The following CYP2B6 variants were observed in gnomAD, a reference collection of about 807,000 sequenced individuals.
The protein encoded by CYP2B6 is cytochrome P450 family 2 subfamily B member 6.
CYP2B6 carries 35 observed loss-of-function variants against 43.4 expected under a neutral mutation model. The ratio of observed to expected loss-of-function variants is 0.81; its 90% CI spans 0.62 to 1.07. CYP2B6 has a LOEUF of 1.07. Ranked by LOEUF, CYP2B6 falls within the 50% of genes least tolerant of loss-of-function variation. The pLI, the probability that CYP2B6 is intolerant of heterozygous loss-of-function variation, is 0.00. For synonymous variants in CYP2B6, 239 were observed against 239.2 expected, an observed-to-expected ratio of 1.00 and a Z score of 0.01; for missense variants, 624 against 632.8, an observed-to-expected ratio of 0.99 and a Z score of 0.15.
intron 1 of CYP2B6, among the ~76,000 whole-genome samples, chr19:40,997,832 G>A (rs1400983740): frequency 6.6e-6 from 1 of 152,022 alleles, no homozygotes; most frequent in Non-Finnish European, 1.5e-5. Context: ...AGAGGTGGTG[G>A]CTTATACCTG....
chr19:40,995,876 G>C (rs1968992908), intron 1 of CYP2B6, among the ~76,000 whole-genome samples: 1 of 152,094 alleles, frequency 6.6e-6, no homozygotes, highest in South Asian at 2.1e-4. Flanking sequence ...ATTAAATTAA[G>C]GTGATCACCG....
At position 41,013,506 on chromosome 19, in the gene CYP2B6, A is replaced by G. The variant is rs910613341; in HGVS notation, c.1294+691A>G. 1.5e-4 allele frequency among the ~76,000 whole-genome samples: 23 copies of G among 152,342 alleles called. No individual in the cohort carries two copies. In the East Asian group the frequency reaches 3.3e-3, roughly 22 times the overall value. On this transcript the variant is annotated intron_variant, in intron 8 of 8. Transcript: ENST00000324071. ...GTTCCAGGCAAAGGAAACAGCAAGG[A>G]CAAAGGCCAAAGGTAGAAACGTGAT...
In CYP2B6 at chr19:41,012,983, AAAG is replaced by A. The variant is rs1482161446; in HGVS notation, c.1294+173_1294+175del. 172 of 816,246 alleles carry A rather than the reference AAAG, an allele frequency of 2.1e-4. 2 individuals carry two copies. In the South Asian group the frequency reaches 2.5e-3, roughly 12 times the overall value. 50.6% of individuals were successfully genotyped at this position (816,246 alleles called of 1,614,324 possible). ...CTACAACCCTATAAGGAGGCTTGAGAAAGAAGATTACATTCCCAAAGGCACATC... is the reference window on the plus strand; with the variant it reads ...CTACAACCCTATAAGGAGGCTTGAGAAAGATTACATTCCCAAAGGCACATC... On this transcript the variant is annotated intron_variant, in intron 8 of 8. Transcript: ENST00000324071.
At position 41,006,923 on chromosome 19, in the gene CYP2B6, C is replaced by A; in HGVS notation, c.503C>A (p.Thr168Asn). 5 of 1,613,836 alleles carry A rather than the reference C, an allele frequency of 3.1e-6. 1 individual carries two copies. Among genetic ancestry groups the A allele is most frequent in the Non-Finnish European group, 4.2e-6 (5 of 1,180,026 alleles). The change falls in exon 4 of 9, where the codon ACC (threonine) becomes AAC (asparagine). Residue 168 changes from threonine to asparagine, a missense_variant. Thr to Asn is a moderately conservative substitution (Grantham distance 65). Transcript: ENST00000324071. ...RKSKGALMDP[T>N]FLFQSITANI... ...TTCCTAGGGGCCCTCATGGACCCCA[C>A]CTTCCTCTTCCAGTCCATTACCGCC...
intron 1 of CYP2B6, among the ~76,000 whole-genome samples, chr19:40,997,104 G>A (rs995001398): frequency 6.6e-5 from 10 of 151,786 alleles, no homozygotes; most frequent in Non-Finnish European, 5.9e-5. Flanking sequence ...GTGGTGGCAC[G>A]AATCAAATAG....
intron 2 of CYP2B6, 30 bp downstream of exon 2, chr19:41,004,193 C>T (rs376013234): frequency 1.5e-4 from 34 of 228,892 alleles, no homozygotes; most frequent in African/African-American, 1.3e-3. Flanking sequence ...TGGGAGGGGG[C>T]GGGTGGGGGG....
At chr19:41,007,088 G>C (rs754444728) in intron 4 of CYP2B6, 23 bp downstream of exon 4, 1 of 1,613,356 alleles carries the variant, frequency 6.2e-7, no homozygotes, top group Non-Finnish European at 8.5e-7. Flanking sequence ...GAGAGGGACA[G>C]GGGGTGTGGG....
rs373029731 is a variant in CYP2B6, at chr19:41,017,199, C to T, written c.*372C>T. ...CTGGGATTACAGGCATGCACTACCA[C>T]GCTTGGCTAATTTTTGTATTTTTAG... is the stretch of plus-strand genomic sequence containing the variant. On this transcript the variant is annotated 3_prime_UTR_variant, in exon 9 of 9. Transcript: ENST00000324071. The T allele has an allele frequency of 7.0e-4, 114 of 162,484 alleles. 3 individuals carry two copies. The South Asian group carries it at 0.015, about 22-fold the overall frequency. 10.1% of individuals were successfully genotyped at this position (162,484 alleles called of 1,614,324 possible). A position where few individuals can be genotyped will look rare whatever the true frequency, so the allele number is the denominator to read the frequency against.
In CYP2B6 at chr19:41,010,025, A is replaced by G. The variant is rs1379666727; in HGVS notation, c.854A>G (p.His285Arg). 6.2e-7 allele frequency: 1 copy of G among 1,614,072 alleles called. No individual in the cohort carries two copies. The highest frequency in any genetic ancestry group is 8.5e-7 in the Non-Finnish European group (1 of 1,180,002). The stretch of plus-strand genomic sequence containing the variant: ...TCCAACGCACACAGTGAATTCAGCC[A>G]CCAGAACCTCAACCTCAACACGCTC... ...EKSNAHSEFS[H>R]QNLNLNTLSL... Residue 285 changes from histidine (H) to arginine (R), a missense_variant, in exon 6 of 9, where the codon CAC becomes CGC. By Grantham distance (29) the His-to-Arg change is conservative. Coordinates refer to ENST00000324071, the MANE Select transcript of CYP2B6 (RefSeq NM_000767.5).
At chr19:40,998,335 C>T (rs1325687755) in intron 1 of CYP2B6, among the ~76,000 whole-genome samples, 1 of 152,082 alleles carries the variant, frequency 6.6e-6, no homozygotes, top group African/African-American at 2.4e-5. Context: ...CTGGTATGGT[C>T]ATTGAATATC....
rs3211373 is a variant in CYP2B6 at position 41,016,889 on chromosome 19, C to T, written c.*62C>T. 4.7e-5 allele frequency: 73 copies of T among 1,557,262 alleles called. No homozygotes were observed. The highest frequency in any genetic ancestry group is 1.4e-4 in the East Asian group (6 of 42,634). On this transcript the variant is annotated 3_prime_UTR_variant, in exon 9 of 9. Coordinates refer to ENST00000324071, the MANE Select transcript of CYP2B6 (RefSeq NM_000767.5). ...CATTCAGTGTCCCCGCCTCTGTAGA[C>T]AATGGCTCTGACTCCCCGCAACTTC...
At chr19:41,004,894 A>C (rs1969152551) in intron 3 of CYP2B6, among the ~76,000 whole-genome samples, 1 of 152,030 alleles carries the variant, frequency 6.6e-6, no homozygotes, top group Non-Finnish European at 1.5e-5. Context: ...CAGGAGGCTA[A>C]GGTGGGACTA....
In CYP2B6 at chr19:41,012,357, G is replaced by T; in HGVS notation, c.1024G>T (p.Asp342Tyr). Residue 342 changes from aspartate to tyrosine, a missense_variant, in exon 7 of 9, where the codon GAC becomes TAC. Coordinates refer to ENST00000324071, the MANE Select transcript of CYP2B6 (RefSeq NM_000767.5). Reference protein sequence around the residue: ...IGPHRPPELHDRAKMPYTEAV... With the variant: ...IGPHRPPELHYRAKMPYTEAV... ...CCCACATCGCCCTCCAGAGCTTCAT[G>T]ACCGAGCCAAAATGCCATACACAGA... 6.2e-7 allele frequency: 1 copy of T among 1,614,106 alleles called. No individual in the cohort carries two copies. Among genetic ancestry groups the T allele is most frequent in the South Asian group, 1.1e-5 (1 of 91,062 alleles).
intron 8 of CYP2B6, among the ~76,000 whole-genome samples, chr19:41,013,396 G>A (rs1344174892): frequency 6.6e-6 from 1 of 152,128 alleles, no homozygotes; most frequent in African/African-American, 2.4e-5. Flanking sequence ...TCTTGTGGTG[G>A]GTCCGTAAGG....
Position 41,017,805 on chromosome 19 carries a change from G to C in CYP2B6, c.*978G>C, listed in dbSNP as rs1377604301. On this transcript the variant is annotated 3_prime_UTR_variant, in exon 9 of 9. Transcript: ENST00000324071. ...CTGTCAATCTGGTTTTTGTCACTAT[G>C]GACTTACCAATTCTGAATATTTCCC... The C allele has an allele frequency of 6.6e-6, 1 of 151,238 alleles. No homozygotes were observed. Among genetic ancestry groups the C allele is most frequent in the Non-Finnish European group, 1.5e-5 (1 of 67,908 alleles). 9.4% of individuals were successfully genotyped at this position (151,238 alleles called of 1,614,324 possible).
chr19:41,012,358 ACCGAGCCAAAATG>A lies in CYP2B6; in HGVS notation c.1028_1040del (p.Arg343HisfsTer46). On this transcript the variant is annotated frameshift_variant, in exon 7 of 9. Transcript: ENST00000324071. LOFTEE classifies it high-confidence loss of function. The stretch of plus-strand genomic sequence containing the variant: ...CCACATCGCCCTCCAGAGCTTCATG[ACCGAGCCAAAATG>A]CCATACACAGAGGCAGTCATCTATG... 5 of 1,614,122 alleles carry A rather than the reference ACCGAGCCAAAATG, an allele frequency of 3.1e-6. No homozygotes were observed. Among genetic ancestry groups the A allele is most frequent in the Non-Finnish European group, 4.2e-6 (5 of 1,180,018 alleles).
intron 4 of CYP2B6, 56 bp from the exon 5 acceptor site, chr19:41,009,163 C>T: frequency 6.7e-7 from 1 of 1,496,776 alleles, no homozygotes; most frequent in Non-Finnish European, 9.3e-7. Flanking sequence ...GCGCTCTCTC[C>T]CTGTGACCTG....
intron 1 of CYP2B6, among the ~76,000 whole-genome samples, chr19:40,992,905 C>T (rs893299118): frequency 2.6e-5 from 4 of 151,928 alleles, no homozygotes; most frequent in Non-Finnish European, 5.9e-5. Context: ...AGTCACTGGG[C>T]CTGTAATAAA....
chr19:40,995,769 CA>C (rs1202027127), intron 1 of CYP2B6, among the ~76,000 whole-genome samples: 1 of 152,098 alleles, frequency 6.6e-6, no homozygotes, highest in African/African-American at 2.4e-5. Flanking sequence ...CAAGGGACTC[CA>C]ATCAATTCAG....
Sources: gnomAD v4.1 joint callset for allele counts (sites outside exome capture counted in the v4.1 genomes callset) on GRCh38, gnomAD v4.1.1 for gene constraint, MANE v1.5 for transcripts, NCBI Gene and HGNC (gene_info 2026-07-23, HGNC 2026-07-21) for gene names.